ANKFN1: variants seen among roughly 807,000 people sequenced by gnomAD.
The protein encoded by ANKFN1 is ankyrin repeat and fibronectin type III domain containing 1.
ANKFN1 carries 74 observed loss-of-function variants against 108.7 expected under a neutral mutation model. The observed-to-expected ratio is 0.68, with a 90% CI of 0.56 to 0.83. The LOEUF is 0.83. Ranked by LOEUF, ANKFN1 falls within the 40% of genes least tolerant of loss-of-function variation. ANKFN1 has a pLI of 0.00. For synonymous variants in ANKFN1, 547 were observed against 516.2 expected, an observed-to-expected ratio of 1.06 and a Z score of -0.81; for missense variants, 1,505 against 1,382.3, an observed-to-expected ratio of 1.09 and a Z score of -1.41.
intron 4 of ANKFN1, among the ~76,000 whole-genome samples, chr17:56,129,905 C>T (rs1295505423): frequency 2.0e-5 from 3 of 152,136 alleles, no homozygotes; most frequent in Admixed American, 6.5e-5. Context: ...AACAGAGCCT[C>T]CCTGTTTCAA....
chr17:56,254,936 C>T (rs912971745), intron 3 of ANKFN1, among the ~76,000 whole-genome samples: 1 of 152,184 alleles, frequency 6.6e-6, no homozygotes, highest in African/African-American at 2.4e-5. Context: ...CCCCTTTCTG[C>T]ACATCCTGCC....
chr17:56,209,283 G>T (rs1192866753), intron 1 of ANKFN1, among the ~76,000 whole-genome samples: 1 of 152,054 alleles, frequency 6.6e-6, no homozygotes, highest in Non-Finnish European at 1.5e-5. Flanking sequence ...TCAAAAGATA[G>T]AGAAAGAGGA....
chr17:56,428,865 CT>C lies in ANKFN1; in HGVS notation c.911-11447del, dbSNP rs527417362. Reference sequence around the variant, plus strand: ...CTTGGGACCCAGCTGACAAAAAGTGCTTTTTTTTTTTTTTTCATTTTGTCCC... The same window carrying C: ...CTTGGGACCCAGCTGACAAAAAGTGCTTTTTTTTTTTTTTCATTTTGTCCC... On this transcript the variant is annotated intron_variant, in intron 8 of 20. Transcript: ENST00000682825. Among the ~76,000 whole-genome samples the C allele has an allele frequency of 5.1e-3, 678 of 132,252 alleles. 2 individuals are homozygous for C. The highest frequency in any genetic ancestry group is 0.012 in the South Asian group (49 of 4,182). 86.8% of individuals were successfully genotyped at this position (132,252 alleles called of 152,430 possible). A position where few individuals can be genotyped will look rare whatever the true frequency, so the allele number is the denominator to read the frequency against.
intron 3 of ANKFN1, among the ~76,000 whole-genome samples, chr17:56,265,485 G>A (rs1461375182): frequency 6.6e-6 from 1 of 152,162 alleles, no homozygotes; most frequent in African/African-American, 2.4e-5. Flanking sequence ...TTTGAGATGA[G>A]ATTTGAATGG....
intron 4 of ANKFN1, among the ~76,000 whole-genome samples, chr17:56,335,726 G>T (rs1295099736): frequency 6.6e-6 from 1 of 152,108 alleles, no homozygotes; most frequent in Non-Finnish European, 1.5e-5. Flanking sequence ...TTGCCTGATT[G>T]CCCTGGCCAG....
intron 3 of ANKFN1, among the ~76,000 whole-genome samples, chr17:56,275,032 C>T (rs7207054): frequency 0.024 from 3,720 of 152,270 alleles, 67 homozygotes; most frequent in African/African-American, 0.05. Context: ...CTGTTTAGGG[C>T]CATGCTTGCC....
In ANKFN1 at chr17:56,457,959, G is replaced by A. The variant is rs766900651; in HGVS notation, c.1537G>A (p.Ala513Thr). 2.6e-4 allele frequency: 424 copies of A among 1,613,762 alleles called. No homozygotes were observed. Among genetic ancestry groups the A allele is most frequent in the Non-Finnish European group, 3.5e-4 (410 of 1,179,896 alleles). ...GCTGCAAACTCGGCAGAAGATGCTC[G>A]CAGCAACAGCACAGCTACAGGTAAG... ...TVLQTRQKML[A>T]ATAQLQNLLG... is the part of the protein sequence containing the mutation. Residue 513 changes from alanine to threonine, a missense_variant, in exon 14 of 21, where the codon GCA becomes ACA. Physicochemically the swap from Ala to Thr is moderately conservative, Grantham distance 58. Transcript: ENST00000682825.
In ANKFN1 at chr17:56,511,783, T is replaced by C. The variant is rs2051781375; in HGVS notation, c.*514T>C. ...GCACGGGGTCAGGTGGGCTTGACCTTGGTTCCCTGTCAGCTAAACTAGGTC... is the reference window on the plus strand; with the variant it reads ...GCACGGGGTCAGGTGGGCTTGACCTCGGTTCCCTGTCAGCTAAACTAGGTC... On this transcript the variant is annotated 3_prime_UTR_variant, in exon 21 of 21. Coordinates refer to ENST00000682825, the MANE Select transcript of ANKFN1 (RefSeq NM_001370326.1). The C allele has an allele frequency of 6.5e-6, 1 of 154,136 alleles. No homozygotes were observed. Among genetic ancestry groups the C allele is most frequent in the Non-Finnish European group, 1.4e-5 (1 of 69,526 alleles). The allele number at this position is 154,136 out of a possible 1,614,324, so 9.5% of individuals were successfully genotyped here.
chr17:56,386,986 C>A (rs1216910690), intron 8 of ANKFN1, among the ~76,000 whole-genome samples: 1 of 152,066 alleles, frequency 6.6e-6, no homozygotes, highest in Non-Finnish European at 1.5e-5. Flanking sequence ...TGTTGTTGAA[C>A]ATAATGTTTA....
chr17:56,182,781 T>C (rs897954079), intron 1 of ANKFN1, among the ~76,000 whole-genome samples: 3 of 152,176 alleles, frequency 2.0e-5, no homozygotes, highest in African/African-American at 7.2e-5. Flanking sequence ...AGCTAGAGAA[T>C]AGAAGTCAAT....
At chr17:56,063,742 A>T (rs1905015931) in intron 4 of ANKFN1, among the ~76,000 whole-genome samples, 1 of 151,938 alleles carries the variant, frequency 6.6e-6, no homozygotes, top group Non-Finnish European at 1.5e-5. Flanking sequence ...TCTGAAGCCT[A>T]CTTCTGTCAA....
intron 12 of ANKFN1, 85 bp from the exon 13 acceptor site, chr17:56,457,172 T>C (rs1428706233): frequency 2.2e-6 from 3 of 1,373,828 alleles, no homozygotes; most frequent in Admixed American, 4.8e-5. Context: ...CTAGGTATAT[T>C]TTAAATTCAT....
intron 20 of ANKFN1, among the ~76,000 whole-genome samples, chr17:56,507,077 G>A (rs1243678602): frequency 6.6e-6 from 1 of 152,078 alleles, no homozygotes; most frequent in Non-Finnish European, 1.5e-5. Flanking sequence ...AATGAAGAAG[G>A]GAGTTCAACT....
At chr17:56,400,371 A>G (rs1409689814) in intron 8 of ANKFN1, among the ~76,000 whole-genome samples, 1 of 152,002 alleles carries the variant, frequency 6.6e-6, no homozygotes, top group East Asian at 1.9e-4. Flanking sequence ...TTTGTTGGCC[A>G]TTTGTATATC....
chr17:56,312,963 T>G (rs2054543639), intron 3 of ANKFN1, among the ~76,000 whole-genome samples: 1 of 152,070 alleles, frequency 6.6e-6, no homozygotes, highest in Non-Finnish European at 1.5e-5. Flanking sequence ...AAGACCAGCC[T>G]GGCCAAGGTG....
At chr17:56,456,732 C>T in intron 11 of ANKFN1, 129 bp from the exon 12 acceptor site, 3 of 742,350 alleles carry the variant, frequency 4.0e-6, no homozygotes, top group Non-Finnish European at 4.7e-6. Context: ...AGCAGAATCC[C>T]TACATGAACC....
At chr17:56,378,627 T>C (rs1474445607) in intron 8 of ANKFN1, among the ~76,000 whole-genome samples, 1 of 152,216 alleles carries the variant, frequency 6.6e-6, no homozygotes, top group East Asian at 1.9e-4. Context: ...AAAGTATTTA[T>C]AACTTTCTTT....
intron 3 of ANKFN1, chr17:56,258,027 G>A (rs1035134049): frequency 6.6e-6 from 1 of 152,228 alleles, no homozygotes; most frequent in Non-Finnish European, 1.5e-5. Flanking sequence ...GATTGATGAC[G>A]TGGCTGCTAA....
intron 8 of ANKFN1, among the ~76,000 whole-genome samples, chr17:56,399,942 GAT>G (rs199737908): frequency 9.2e-4 from 132 of 143,602 alleles, no homozygotes; most frequent in African/African-American, 2.7e-3. Flanking sequence ...TATATACAGT[GAT>G]ATATATATAT....
Sources: gnomAD v4.1 joint callset for allele counts (sites outside exome capture counted in the v4.1 genomes callset) on GRCh38, gnomAD v4.1.1 for gene constraint, MANE v1.5 for transcripts, NCBI Gene and HGNC (gene_info 2026-07-23, HGNC 2026-07-21) for gene names.